HSPA12A: variants seen among roughly 807,000 people sequenced by gnomAD.
HSPA12A encodes the protein heat shock 70 kDa protein 12A.
A neutral mutation model predicts 69.2 loss-of-function variants in HSPA12A; 28 were observed. The observed-to-expected ratio is 0.40, with a 90% confidence interval of 0.30 to 0.55. HSPA12A has a LOEUF of 0.55. Ranked by LOEUF, HSPA12A falls within the 20% of genes least tolerant of loss-of-function variation. The probability of loss-of-function intolerance (pLI) is 0.38; values close to 1 mark genes in which losing one functional copy is unlikely to be tolerated. For synonymous variants in HSPA12A, 345 were observed against 370.5 expected, an observed-to-expected ratio of 0.93 and a Z score of 0.79; for missense variants, 686 against 900.7, an observed-to-expected ratio of 0.76 and a Z score of 3.05.
intron 1 of HSPA12A, among the ~76,000 whole-genome samples, chr10:116,841,609 C>CAATTGTGGA (rs1238571499): frequency 1.3e-5 from 2 of 152,040 alleles, no homozygotes; most frequent in African/African-American, 4.8e-5. Context: ...GAAGTACATA[C>CAATTGTGGA]AGCTTCAATT....
Position 116,681,885 on chromosome 10 carries a change from C to T in HSPA12A, c.836-8G>A. ...GCCGTATGTGTTCCTTAGCTAGTGG[C>T]CGACAGAAAGAAAATGATGACGGGT... is the stretch of plus-strand genomic sequence containing the variant. On this transcript the variant is annotated splice_polypyrimidine_tract_variant and splice_region_variant and intron_variant, in intron 7 of 11. Transcript: ENST00000369209. 1.2e-6 allele frequency: 2 copies of T among 1,613,342 alleles called. No individual in the cohort carries two copies. The highest frequency in any genetic ancestry group is 1.7e-6 in the Non-Finnish European group (2 of 1,179,476).
chr10:116,705,453 C>A (rs782761949), intron 2 of HSPA12A, among the ~76,000 whole-genome samples, 175 bp from the exon 3 acceptor site: 1 of 152,224 alleles, frequency 6.6e-6, no homozygotes, highest in Non-Finnish European at 1.5e-5. Context: ...TGGGCCCCCG[C>A]CTGAATGGCT....
upstream of HSPA12A, chr10:116,849,777 CCCG>C: frequency 6.8e-7 from 1 of 1,466,990 alleles, no homozygotes; most frequent in Non-Finnish European, 9.1e-7. Context: ...CCCCTCTCCC[CCCG>C]CCCCGCGCTG....
chr10:116,840,125 T>C (rs890255910), intron 1 of HSPA12A, among the ~76,000 whole-genome samples: 1 of 152,104 alleles, frequency 6.6e-6, no homozygotes, highest in Non-Finnish European at 1.5e-5. Flanking sequence ...TTTAAAAGAG[T>C]TCCTGTTTTG....
At chr10:116,679,432 C>T (rs889733170) in intron 10 of HSPA12A, 71 bp downstream of exon 10, 22 of 1,571,396 alleles carry the variant, frequency 1.4e-5, no homozygotes, top group South Asian at 4.7e-5. Context: ...GTCCACACTT[C>T]GCTCCTCTCT....
In HSPA12A at chr10:116,705,015, C is replaced by T. The variant is rs1437851467; in HGVS notation, c.254+136G>A. On this transcript the variant is annotated intron_variant, in intron 3 of 11. Transcript: ENST00000369209. ...ATCAGAAATGGCTTGTCCCCAGTGG[C>T]ATGGTGAGCTTGAGCCAAGCTGGAA... is the stretch of plus-strand genomic sequence containing the variant. 5 of 998,362 alleles carry T rather than the reference C, an allele frequency of 5.0e-6. No individual in the cohort carries two copies. The Admixed American group carries it at 1.2e-4, about 23-fold the overall frequency. 61.8% of individuals were successfully genotyped at this position (998,362 alleles called of 1,614,324 possible).
At chr10:116,783,668 G>A (rs974435956) in intron 2 of HSPA12A, among the ~76,000 whole-genome samples, 1 of 152,002 alleles carries the variant, frequency 6.6e-6, no homozygotes, top group Non-Finnish European at 1.5e-5. Context: ...AGTCTTAAGT[G>A]GGGGGAAAAA....
chr10:116,769,838 G>T (rs1844159785), intron 2 of HSPA12A, among the ~76,000 whole-genome samples: 1 of 152,172 alleles, frequency 6.6e-6, no homozygotes, highest in Admixed American at 6.5e-5. Context: ...TTCCATAGTT[G>T]CTTGGGGTGT....
In HSPA12A at chr10:116,797,883, G is replaced by A. The variant is rs531394452; in HGVS notation, c.91+37052C>T. ...AGTCCCCTGTAAGGACTGATGGTGG[G>A]GAAGGCTTCCCAGAGGACCAGAGGG... On this transcript the variant is annotated intron_variant, in intron 2 of 12. Coordinates refer to the HSPA12A transcript ENST00000635765. Among the ~76,000 whole-genome samples the A allele has an allele frequency of 2.0e-3, 311 of 152,248 alleles. 2 individuals are homozygous for A. Among genetic ancestry groups the A allele is most frequent in the African/African-American group, 6.7e-3 (277 of 41,546 alleles).
chr10:116,765,294 G>A (rs1248589886), intron 2 of HSPA12A, among the ~76,000 whole-genome samples: 1 of 151,998 alleles, frequency 6.6e-6, no homozygotes, highest in Non-Finnish European at 1.5e-5. Flanking sequence ...ACTAGGGTAG[G>A]AAAAGTCCAA....
chr10:116,691,814 G>C (rs781799041), intron 6 of HSPA12A, among the ~76,000 whole-genome samples: 8 of 152,218 alleles, frequency 5.3e-5, no homozygotes, highest in Admixed American at 2.6e-4. Context: ...CCCTCTGCAG[G>C]GGTCTGCCAC....
chr10:116,807,141 C>A (rs566686573), intron 2 of HSPA12A, among the ~76,000 whole-genome samples: 2 of 152,046 alleles, frequency 1.3e-5, no homozygotes, highest in South Asian at 4.2e-4. Flanking sequence ...TACATTTCTA[C>A]CCTGCTCTCT....
At position 116,770,951 on chromosome 10, in the gene HSPA12A, G is replaced by A. The variant is rs1844191310; in HGVS notation, c.92-63666C>T. 2.0e-5 allele frequency among the ~76,000 whole-genome samples: 3 copies of A among 151,976 alleles called. No individual in the cohort carries two copies. The South Asian group carries it at 6.2e-4, about 32-fold the overall frequency. On this transcript the variant is annotated intron_variant, in intron 2 of 12. Transcript: ENST00000635765. Reference sequence around the variant, plus strand: ...TGACTTCTTTTGGCTGCTGCGGGCTGTGTGTGCTGGGGGAGGGGGCAGTGG... The same window carrying A: ...TGACTTCTTTTGGCTGCTGCGGGCTATGTGTGCTGGGGGAGGGGGCAGTGG...
intron 2 of HSPA12A, among the ~76,000 whole-genome samples, chr10:116,813,614 C>G (rs965658516): frequency 6.6e-6 from 1 of 151,740 alleles, no homozygotes; most frequent in Non-Finnish European, 1.5e-5. Flanking sequence ...CACAGTTGCT[C>G]ACATCTGTAA....
chr10:116,770,527 G>A (rs1844177866), intron 2 of HSPA12A, among the ~76,000 whole-genome samples: 1 of 152,212 alleles, frequency 6.6e-6, no homozygotes, highest in African/African-American at 2.4e-5. Flanking sequence ...TCAAAGCCAG[G>A]TGGCACAGGG....
intron 6 of HSPA12A, among the ~76,000 whole-genome samples, chr10:116,685,262 G>C (rs782245493): frequency 6.6e-6 from 1 of 152,122 alleles, no homozygotes; most frequent in Admixed American, 6.6e-5. Flanking sequence ...CTCATCAGGC[G>C]AAGTCGGCCT....
intron 1 of HSPA12A, among the ~76,000 whole-genome samples, chr10:116,730,540 G>A (rs142614964): frequency 1.5e-4 from 23 of 152,344 alleles, no homozygotes; most frequent in Non-Finnish European, 3.2e-4. Flanking sequence ...GCTAGTCAGA[G>A]GTGGCACCAC....
chr10:116,807,316 C>A (rs557870935), intron 2 of HSPA12A, among the ~76,000 whole-genome samples: 2 of 151,990 alleles, frequency 1.3e-5, no homozygotes, highest in African/African-American at 4.8e-5. Context: ...TAGCTCCTTT[C>A]GAAGCAGCCC....
At chr10:116,843,202 C>T (rs972157353) in intron 1 of HSPA12A, among the ~76,000 whole-genome samples, 2 of 152,160 alleles carry the variant, frequency 1.3e-5, no homozygotes, top group African/African-American at 2.4e-5. Flanking sequence ...TGAAACAACA[C>T]AACTTCACAA....
Sources: allele counts gnomAD v4.1 joint callset (sites outside exome capture counted in the v4.1 genomes callset), GRCh38; gene constraint gnomAD v4.1.1; transcripts MANE v1.5; gene names NCBI Gene and HGNC (gene_info 2026-07-23, HGNC 2026-07-21).